SLC39A11: variants seen among roughly 807,000 people sequenced by gnomAD.
SLC39A11 encodes the protein solute carrier family 39 member 11.
A neutral mutation model predicts 36.1 loss-of-function variants in SLC39A11; 33 were observed. That is an observed-to-expected ratio of 0.91 (90% CI 0.69 to 1.22). The LOEUF is 1.22. Among genes scored for constraint, SLC39A11 ranks in the 50% most tolerant of loss-of-function variants. The pLI is 0.00. For missense variants in SLC39A11, 432 were observed against 430.3 expected (o/e 1.00, Z -0.03); for synonymous variants, 166 against 170.3 (o/e 0.97, Z 0.20).
intron 3 of SLC39A11, among the ~76,000 whole-genome samples, chr17:73,066,251 G>C (rs1200754684): frequency 2.6e-5 from 4 of 152,150 alleles, no homozygotes; most frequent in Non-Finnish European, 4.4e-5. Flanking sequence ...CAAGGCCCCA[G>C]ACCTGAGTGA....
chr17:72,976,550 G>A (rs1371534305), intron 4 of SLC39A11, among the ~76,000 whole-genome samples: 1 of 152,098 alleles, frequency 6.6e-6, no homozygotes, highest in Non-Finnish European at 1.5e-5. Flanking sequence ...TTGCAGAAAG[G>A]CACAGAAATG....
chr17:72,883,366 A>T (rs1202828076), intron 5 of SLC39A11, among the ~76,000 whole-genome samples: 1 of 152,158 alleles, frequency 6.6e-6, no homozygotes, highest in Non-Finnish European at 1.5e-5. Context: ...GCTGCTGCCA[A>T]AAACCTGGAT....
rs1211905632 is a variant in SLC39A11 at position 72,646,611 on chromosome 17, C to A, written c.*973G>T. 1.3e-5 allele frequency: 2 copies of A among 152,578 alleles called. No individual in the cohort carries two copies. Among genetic ancestry groups the A allele is most frequent in the Non-Finnish European group, 2.9e-5 (2 of 68,032 alleles). The allele number at this position is 152,578 out of a possible 1,614,324, so 9.5% of individuals were successfully genotyped here. On this transcript the variant is annotated 3_prime_UTR_variant, in exon 10 of 10. Coordinates refer to ENST00000255559, the MANE Select transcript of SLC39A11 (RefSeq NM_139177.4). ...GAGTTTTTGTCAGATTATAAGTTAC[C>A]AAATGGTCAACAGGGAAGGACCCAC... is the stretch of plus-strand genomic sequence containing the variant.
chr17:72,732,040 C>CTTTTTTTTTTTTTTTTTTTTT (rs764728558), intron 7 of SLC39A11, among the ~76,000 whole-genome samples: 13 of 33,666 alleles, frequency 3.9e-4, no homozygotes, highest in Non-Finnish European at 5.2e-4. Flanking sequence ...CTTTTCTTTT[C>CTTTTTTTTTTTTTTTTTTTTT]TTTTTTTTTT....
intron 5 of SLC39A11, among the ~76,000 whole-genome samples, chr17:72,886,300 G>A (rs371770436): frequency 6.6e-6 from 1 of 152,300 alleles, no homozygotes; most frequent in East Asian, 1.9e-4. Flanking sequence ...CCAAAGTCAT[G>A]AATCCATCTG....
chr17:72,789,735 G>C (rs2076639014), intron 6 of SLC39A11, among the ~76,000 whole-genome samples: 1 of 152,226 alleles, frequency 6.6e-6, no homozygotes, highest in Admixed American at 6.5e-5. Flanking sequence ...TTATTATATA[G>C]AACCTCGTTC....
intron 3 of SLC39A11, among the ~76,000 whole-genome samples, chr17:73,047,214 T>C (rs900130059): frequency 1.3e-5 from 2 of 151,490 alleles, no homozygotes; most frequent in African/African-American, 2.4e-5. Flanking sequence ...TTAGCACAGA[T>C]GGGGTTGCAC....
At chr17:72,981,620 T>C (rs530217220) in intron 4 of SLC39A11, among the ~76,000 whole-genome samples, 198 of 52,614 alleles carry the variant, frequency 3.8e-3, no homozygotes, top group African/African-American at 8.2e-3. Context: ...GGAAACCAAG[T>C]TGTAGAAAAA....
intron 6 of SLC39A11, among the ~76,000 whole-genome samples, chr17:72,763,474 T>C (rs1598621979): frequency 1.3e-5 from 2 of 152,370 alleles, no homozygotes; most frequent in East Asian, 1.9e-4. Flanking sequence ...GTTTTCCTAA[T>C]GTATTTGACA....
chr17:73,044,028 A>T (rs2059191217), intron 3 of SLC39A11, among the ~76,000 whole-genome samples: 1 of 152,224 alleles, frequency 6.6e-6, no homozygotes, highest in Non-Finnish European at 1.5e-5. Flanking sequence ...AATTACAGTT[A>T]TTAATTAACG....
At chr17:72,708,070 G>C (rs953475373) in intron 7 of SLC39A11, among the ~76,000 whole-genome samples, 9 of 152,198 alleles carry the variant, frequency 5.9e-5, no homozygotes, top group African/African-American at 2.2e-4. Context: ...GGTTCTCCTG[G>C]ACTCTGGACA....
intron 7 of SLC39A11, among the ~76,000 whole-genome samples, chr17:72,653,614 A>G (rs1475719064): frequency 1.3e-5 from 2 of 151,616 alleles, no homozygotes; most frequent in African/African-American, 2.4e-5. Flanking sequence ...TAATTTTTGT[A>G]TTTTTAGTAG....
intron 5 of SLC39A11, among the ~76,000 whole-genome samples, chr17:72,917,278 T>C (rs2083385664): frequency 6.6e-6 from 1 of 152,234 alleles, no homozygotes; most frequent in Non-Finnish European, 1.5e-5. Flanking sequence ...TTTCCCAGCA[T>C]TTGCTAAGCA....
intron 6 of SLC39A11, among the ~76,000 whole-genome samples, chr17:72,761,975 C>A (rs2075597603): frequency 6.6e-6 from 1 of 152,144 alleles, no homozygotes; most frequent in Non-Finnish European, 1.5e-5. Context: ...AGAGGGACAG[C>A]AAGTATAGAC....
chr17:72,664,050 G>A lies in SLC39A11; in HGVS notation c.672-14782C>T, dbSNP rs562949736. 15 of 159,634 alleles carry A rather than the reference G, an allele frequency of 9.4e-5. No homozygotes were observed. The East Asian group carries it at 2.3e-3, about 25-fold the overall frequency. 9.9% of individuals were successfully genotyped at this position (159,634 alleles called of 1,614,324 possible). A position where few individuals can be genotyped will look rare whatever the true frequency, so the allele number is the denominator to read the frequency against. Reference sequence around the variant, plus strand: ...GCTTCGGGAGGGACGCACATGGAGCGGTGAGGGAGGAAAGGGACACCCGCC... The same window carrying A: ...GCTTCGGGAGGGACGCACATGGAGCAGTGAGGGAGGAAAGGGACACCCGCC... On this transcript the variant is annotated intron_variant, in intron 7 of 9. Coordinates refer to ENST00000255559, the MANE Select transcript of SLC39A11 (RefSeq NM_139177.4).
intron 5 of SLC39A11, among the ~76,000 whole-genome samples, chr17:72,877,663 C>G (rs1036268908): frequency 2.6e-5 from 4 of 152,144 alleles, no homozygotes; most frequent in African/African-American, 9.7e-5. Flanking sequence ...CTGCCTGATT[C>G]TGATGTCCCT....
intron 6 of SLC39A11, among the ~76,000 whole-genome samples, chr17:72,791,382 G>T (rs2076697561): frequency 6.6e-6 from 1 of 152,322 alleles, no homozygotes; most frequent in Admixed American, 6.5e-5. Flanking sequence ...AACCTGGGAG[G>T]CAGAGATTGC....
intron 6 of SLC39A11, among the ~76,000 whole-genome samples, chr17:72,846,087 T>G (rs1197474655): frequency 3.6e-5 from 5 of 137,288 alleles, no homozygotes; most frequent in Non-Finnish European, 6.1e-5. Context: ...TGCAGTGCAG[T>G]AGCATGATCT....
At chr17:72,754,051 TACACACACACACACACACACACACAC>T (rs58802713) in intron 6 of SLC39A11, among the ~76,000 whole-genome samples, 2 of 108,060 alleles carry the variant, frequency 1.9e-5, no homozygotes, top group Admixed American at 1.0e-4. Context: ...TATATACACA[TACACACACACACACACACACACACAC>T]ACACACACAC....
Sources: gnomAD v4.1 joint callset for allele counts (sites outside exome capture counted in the v4.1 genomes callset) on GRCh38, gnomAD v4.1.1 for gene constraint, MANE v1.5 for transcripts, NCBI Gene and HGNC (gene_info 2026-07-23, HGNC 2026-07-21) for gene names.